CLASP2: variants seen among roughly 807,000 people sequenced by gnomAD.
CLASP2 encodes cytoplasmic linker associated protein 2, also known as CLIP-associating protein 2.
Under a neutral mutation model 194.4 loss-of-function variants are expected in CLASP2, and 47 were observed. The observed-to-expected ratio is 0.24, with a 90% CI of 0.19 to 0.31. The LOEUF (loss-of-function observed/expected upper bound fraction) is 0.31, where lower values mean the gene tolerates loss of function less well. Among genes scored for constraint, CLASP2 ranks in the 10% least tolerant of loss-of-function variants. The probability of loss-of-function intolerance (pLI) is 1.00; values close to 1 mark genes in which losing one functional copy is unlikely to be tolerated. For missense variants in CLASP2, 1,445 were observed against 1,823.6 expected (o/e 0.79, Z 3.78); for synonymous variants, 619 against 633.5 (o/e 0.98, Z 0.34).
intron 2 of CLASP2, among the ~76,000 whole-genome samples, chr3:33,696,349 C>CTT (rs2091899383): frequency 1.1e-4 from 5 of 44,280 alleles, no homozygotes; most frequent in Admixed American, 2.4e-4. Context: ...AATTTTCTTT[C>CTT]TTTCTTTTTT....
chr3:33,644,799 T>C lies in CLASP2; in HGVS notation c.820A>G (p.Ser274Gly), dbSNP rs2082000526. Residue 274 changes from serine (S) to glycine (G), a missense_variant, in exon 8 of 39, where the codon AGT becomes GGT. By Grantham distance (56) the Ser-to-Gly change is moderately conservative (BLOSUM62 0). Coordinates refer to ENST00000682230, the MANE Select transcript of CLASP2 (RefSeq NM_001365631.1). ...APKTSGNPANSARKPGSAGGP... is the reference protein window; with the variant it reads ...APKTSGNPANGARKPGSAGGP... Reference sequence around the variant, plus strand: ...CCTGCTGAACCAGGCTTCCTTGCACTGTTGGCAGGATTTCCGGATGTTTTA... The same window carrying C: ...CCTGCTGAACCAGGCTTCCTTGCACCGTTGGCAGGATTTCCGGATGTTTTA... 5.6e-6 allele frequency: 9 copies of C among 1,613,444 alleles called. No individual in the cohort carries two copies. Among genetic ancestry groups the C allele is most frequent in the Non-Finnish European group, 7.6e-6 (9 of 1,179,696 alleles).
At chr3:33,667,983 G>A (rs1283987531) in intron 6 of CLASP2, among the ~76,000 whole-genome samples, 1 of 152,142 alleles carries the variant, frequency 6.6e-6, no homozygotes, top group Admixed American at 6.5e-5. Context: ...ACTTTGGGAG[G>A]CTGAAGCAGG....
intron 6 of CLASP2, among the ~76,000 whole-genome samples, chr3:33,677,328 G>C (rs1168021206): frequency 2.0e-5 from 3 of 150,606 alleles, no homozygotes; most frequent in Non-Finnish European, 4.5e-5. Context: ...TGATAGACTG[G>C]ATTAAGAAAA....
intron 18 of CLASP2, among the ~76,000 whole-genome samples, chr3:33,600,092 G>T (rs1358285443): frequency 1.3e-5 from 2 of 151,860 alleles, no homozygotes; most frequent in African/African-American, 2.4e-5. Flanking sequence ...TTTTTTTTGT[G>T]TGTGTGTGTG....
At chr3:33,511,030 ATTTT>A (rs397875429) in intron 36 of CLASP2, among the ~76,000 whole-genome samples, 3 of 105,886 alleles carry the variant, frequency 2.8e-5, no homozygotes. Flanking sequence ...TGGCTAAAGT[ATTTT>A]TTTTTTTTTT....
At position 33,506,377 on chromosome 3, in the gene CLASP2, C is replaced by CAAAAAAAAAA. The variant is rs2048189726; in HGVS notation, c.4317+4180_4317+4181insTTTTTTTTTT. ...TGGGTGACAGAGTGAGACTCTGTCTCGAAAAAAAAAAAAAAAAAAAAAAAA... is the reference window on the plus strand; with the variant it reads ...TGGGTGACAGAGTGAGACTCTGTCTCAAAAAAAAAAGAAAAAAAAAAAAAAAAAAAAAAAA... On this transcript the variant is annotated intron_variant, in intron 37 of 38. Transcript: ENST00000682230. 2.6e-4 allele frequency among the ~76,000 whole-genome samples: 16 copies of CAAAAAAAAAA among 61,874 alleles called. 2 individuals carry two copies. Among genetic ancestry groups the CAAAAAAAAAA allele is most frequent in the African/African-American group, 8.0e-4 (14 of 17,538 alleles). 40.6% of individuals were successfully genotyped at this position (61,874 alleles called of 152,430 possible).
At chr3:33,571,012 T>A (rs974382510) in intron 25 of CLASP2, among the ~76,000 whole-genome samples, 1 of 140,436 alleles carries the variant, frequency 7.1e-6, no homozygotes, top group African/African-American at 2.7e-5. Flanking sequence ...CCTGTCTCTA[T>A]AAATTTTTTT....
At chr3:33,542,435 T>C (rs1410750555) in intron 32 of CLASP2, among the ~76,000 whole-genome samples, 1 of 148,268 alleles carries the variant, frequency 6.7e-6, no homozygotes, top group East Asian at 2.0e-4. Context: ...AGACAAAACA[T>C]AAAAATAACA....
intron 6 of CLASP2, among the ~76,000 whole-genome samples, chr3:33,678,770 A>T (rs2089290419): frequency 6.6e-6 from 1 of 152,222 alleles, no homozygotes; most frequent in Non-Finnish European, 1.5e-5. Context: ...AAACCAAAAA[A>T]TAAGAAATAA....
intron 9 of CLASP2, among the ~76,000 whole-genome samples, 178 bp downstream of exon 9, chr3:33,632,114 G>A (rs887319955): frequency 2.0e-5 from 3 of 152,068 alleles, no homozygotes; most frequent in Non-Finnish European, 4.4e-5. Flanking sequence ...CAGCCTCACT[G>A]AAAAATCACT....
intron 34 of CLASP2, among the ~76,000 whole-genome samples, chr3:33,520,164 C>A (rs1306438673): frequency 1.3e-5 from 2 of 151,464 alleles, no homozygotes; most frequent in African/African-American, 4.8e-5. Context: ...CAGGCACCTG[C>A]TACCACGCCC....
intron 8 of CLASP2, among the ~76,000 whole-genome samples, chr3:33,634,799 T>C (rs2079804569): frequency 6.6e-6 from 1 of 152,124 alleles, no homozygotes; most frequent in Admixed American, 6.5e-5. Context: ...ATAATTTTAG[T>C]TGTCTATATA....
rs572526891 is a variant in CLASP2, at chr3:33,622,918, C to T, written c.1036-638G>A. 4.6e-5 allele frequency among the ~76,000 whole-genome samples: 7 copies of T among 151,514 alleles called. No individual in the cohort carries two copies. The South Asian group carries it at 6.3e-4, about 14-fold the overall frequency. ...GCACCTCCCAGGTTTGAGTGGTTTT[C>T]GTGCCTCAGCCTTCCCAGTAGCTGG... On this transcript the variant is annotated intron_variant, in intron 10 of 38. Transcript: ENST00000682230.
At chr3:33,664,282 T>C (rs777859021) in intron 6 of CLASP2, among the ~76,000 whole-genome samples, 5 of 152,182 alleles carry the variant, frequency 3.3e-5, no homozygotes, top group Admixed American at 6.6e-5. Flanking sequence ...AGCACTTTTT[T>C]TTTAGTTTGC....
chr3:33,556,157 C>T (rs2060881561), intron 29 of CLASP2, among the ~76,000 whole-genome samples: 1 of 152,118 alleles, frequency 6.6e-6, no homozygotes, highest in Admixed American at 6.6e-5. Flanking sequence ...ATTGCCATTT[C>T]CCCCATTGCT....
intron 1 of CLASP2, among the ~76,000 whole-genome samples, chr3:33,707,753 C>A (rs1377788742): frequency 6.6e-6 from 1 of 152,148 alleles, no homozygotes; most frequent in South Asian, 2.1e-4. Context: ...ACAGATGGAA[C>A]AGTCAAACAT....
intron 30 of CLASP2, among the ~76,000 whole-genome samples, chr3:33,547,267 G>A (rs1559963793): frequency 6.6e-6 from 1 of 152,158 alleles, no homozygotes; most frequent in African/African-American, 2.4e-5. Flanking sequence ...AGTCTCATGA[G>A]ATCTGATGAT....
At chr3:33,515,613 C>CA (rs1375698673) in intron 36 of CLASP2, among the ~76,000 whole-genome samples, 1 of 152,150 alleles carries the variant, frequency 6.6e-6, no homozygotes, top group African/African-American at 2.4e-5. Flanking sequence ...CACACCACTG[C>CA]ACTCCAGCCT....
intron 34 of CLASP2, among the ~76,000 whole-genome samples, chr3:33,523,750 T>TA (rs1024410522): frequency 6.6e-6 from 1 of 152,166 alleles, no homozygotes; most frequent in Admixed American, 6.5e-5. Context: ...ACTAATATAG[T>TA]AAAAGACAGT....
Sources: allele counts gnomAD v4.1 joint callset (sites outside exome capture counted in the v4.1 genomes callset), GRCh38; gene constraint gnomAD v4.1.1; transcripts MANE v1.5; gene names NCBI Gene and HGNC (gene_info 2026-07-23, HGNC 2026-07-21).